Variants in COLQ observed in about 807,000 individuals in gnomAD.
COLQ encodes acetylcholinesterase collagenic tail peptide.
In COLQ, 48 loss-of-function variants were observed where a neutral mutation model predicts 69.0. The ratio of observed to expected loss-of-function variants is 0.70; its 90% CI spans 0.55 to 0.88. The LOEUF (loss-of-function observed/expected upper bound fraction) is 0.88. Among genes scored for constraint, COLQ ranks in the 40% least tolerant of loss-of-function variants. The probability of loss-of-function intolerance (pLI) is 0.00; values close to 1 mark genes in which losing one functional copy is unlikely to be tolerated. For missense variants in COLQ, 618 were observed against 594.6 expected (o/e 1.04, Z -0.41); for synonymous variants, 217 against 211.2 (o/e 1.03, Z -0.24).
At chr3:15,507,869 C>G (rs2062932773) in intron 1 of COLQ, among the ~76,000 whole-genome samples, 2 of 152,090 alleles carry the variant, frequency 1.3e-5, no homozygotes, top group South Asian at 4.1e-4. Context: ...GTCAATTTTT[C>G]TCTTACATTA....
chr3:15,474,903 A>G, intron 8 of COLQ, 22 bp downstream of exon 8: 2 of 1,613,892 alleles, frequency 1.2e-6, no homozygotes, highest in Non-Finnish European at 1.7e-6. Flanking sequence ...GCTCTAGGAC[A>G]CCATCCAAGA....
rs1559515564 is a variant in COLQ at position 15,465,234 on chromosome 3, TGA to T, written c.814+1105_814+1106del. Among the ~76,000 whole-genome samples, 18 of 80,422 alleles carry T rather than the reference TGA, an allele frequency of 2.2e-4. 1 individual carries two copies. The highest frequency in any genetic ancestry group is 1.3e-3 in the Admixed American group (10 of 7,504). The allele number at this position is 80,422 out of a possible 152,430, so 52.8% of individuals were successfully genotyped here. A position where few individuals can be genotyped will look rare whatever the true frequency, so the allele number is the denominator to read the frequency against. On this transcript the variant is annotated intron_variant, in intron 12 of 16. Coordinates refer to ENST00000383788, the MANE Select transcript of COLQ (RefSeq NM_005677.4). ...CTTCTCAATAACAGACTTTATATTT[TGA>T]TTTATTTATTTATTTATTTATTTAT...
chr3:15,491,535 T>C (rs2062667238), intron 1 of COLQ, among the ~76,000 whole-genome samples: 1 of 152,228 alleles, frequency 6.6e-6, no homozygotes, highest in African/African-American at 2.4e-5. Context: ...TCCACGGGAA[T>C]GGTAGCTCCG....
At chr3:15,482,939 G>T (rs966004770) in intron 3 of COLQ, among the ~76,000 whole-genome samples, 9 of 152,174 alleles carry the variant, frequency 5.9e-5, no homozygotes, top group Non-Finnish European at 8.8e-5. Context: ...TTAGTCTTGG[G>T]AGGGTGTATG....
chr3:15,509,020 A>G (rs1258309646), intron 1 of COLQ, among the ~76,000 whole-genome samples: 3 of 152,072 alleles, frequency 2.0e-5, no homozygotes, highest in African/African-American at 7.2e-5. Context: ...CATAATAACT[A>G]TAAGAAGAAG....
chr3:15,453,430 T>C (rs1049670345), intron 16 of COLQ, among the ~76,000 whole-genome samples: 1 of 152,164 alleles, frequency 6.6e-6, no homozygotes, highest in Admixed American at 6.5e-5. Context: ...TAGGTAGACA[T>C]GTCGATTCTT....
intron 1 of COLQ, among the ~76,000 whole-genome samples, chr3:15,497,102 G>A (rs1197393648): frequency 7.0e-6 from 1 of 142,380 alleles, no homozygotes; most frequent in Non-Finnish European, 1.5e-5. Context: ...GGAGTGCAGT[G>A]GTGGGTTCTC....
chr3:15,499,089 G>A (rs909392014), intron 1 of COLQ, among the ~76,000 whole-genome samples: 4 of 150,140 alleles, frequency 2.7e-5, no homozygotes, highest in African/African-American at 9.8e-5. Context: ...ATGGCCAGGG[G>A]TCTCAGCTCT....
At chr3:15,508,994 T>TA (rs1055519894) in intron 1 of COLQ, among the ~76,000 whole-genome samples, 6 of 151,584 alleles carry the variant, frequency 4.0e-5, no homozygotes, top group African/African-American at 1.2e-4. Context: ...TTACTAAAAA[T>TA]AAAAAAAATT....
chr3:15,477,408 G>T (rs933447374), intron 5 of COLQ: 2 of 573,854 alleles, frequency 3.5e-6, no homozygotes, highest in Non-Finnish European at 6.3e-6. Context: ...TCAAGAAATG[G>T]AGGGTGGTGA....
intron 1 of COLQ, among the ~76,000 whole-genome samples, chr3:15,498,293 C>G (rs1406549387): frequency 1.3e-5 from 2 of 152,142 alleles, no homozygotes; most frequent in South Asian, 2.1e-4. Context: ...TACTGTGAAA[C>G]CCCTTTGCAT....
At chr3:15,508,976 C>A (rs2062946706) in intron 1 of COLQ, among the ~76,000 whole-genome samples, 1 of 151,950 alleles carries the variant, frequency 6.6e-6, no homozygotes, top group Admixed American at 6.6e-5. Flanking sequence ...CATAGCTAGA[C>A]CCTGTCTTTA....
chr3:15,459,352 G>C (rs1236487936), intron 12 of COLQ, among the ~76,000 whole-genome samples: 1 of 152,034 alleles, frequency 6.6e-6, no homozygotes, highest in Non-Finnish European at 1.5e-5. Context: ...TAAAGGCTCT[G>C]ATACCCAGGA....
At chr3:15,515,709 G>T (rs1428553746) in intron 1 of COLQ, among the ~76,000 whole-genome samples, 2 of 152,204 alleles carry the variant, frequency 1.3e-5, no homozygotes, top group African/African-American at 4.8e-5. Flanking sequence ...CGGAGACTGA[G>T]GCTGGAGAAT....
At chr3:15,515,742 G>GT (rs2063052762) in intron 1 of COLQ, among the ~76,000 whole-genome samples, 1 of 152,220 alleles carries the variant, frequency 6.6e-6, no homozygotes, top group Non-Finnish European at 1.5e-5. Flanking sequence ...GGAGGTGGAG[G>GT]TTGCAGTGAG....
chr3:15,491,569 T>C (rs2062667895), intron 1 of COLQ, among the ~76,000 whole-genome samples: 1 of 152,252 alleles, frequency 6.6e-6, no homozygotes, highest in Non-Finnish European at 1.5e-5. Context: ...GCTCGCACCC[T>C]TGATGATGGA....
chr3:15,510,072 A>G (rs1056351031), intron 1 of COLQ, among the ~76,000 whole-genome samples: 8 of 151,992 alleles, frequency 5.3e-5, no homozygotes, highest in African/African-American at 1.9e-4. Flanking sequence ...GCTACTCGGG[A>G]GGCTGAGGCA....
intron 1 of COLQ, among the ~76,000 whole-genome samples, chr3:15,517,262 T>C (rs1172936898): frequency 1.3e-5 from 2 of 152,206 alleles, no homozygotes; most frequent in South Asian, 2.1e-4. Flanking sequence ...TGGTATATAC[T>C]GGTGAAAGCC....
chr3:15,484,957 T>C (rs894750153), intron 3 of COLQ, among the ~76,000 whole-genome samples: 1 of 152,252 alleles, frequency 6.6e-6, no homozygotes, highest in African/African-American at 2.4e-5. Context: ...TGCACTCCTT[T>C]GGAGGAGAAG....
Sources: allele counts gnomAD v4.1 joint callset (sites outside exome capture counted in the v4.1 genomes callset), GRCh38; gene constraint gnomAD v4.1.1; transcripts MANE v1.5; gene names NCBI Gene and HGNC (gene_info 2026-07-23, HGNC 2026-07-21).